The following NBEAL1 variants were observed in gnomAD, a reference collection of about 807,000 sequenced individuals.
The protein encoded by NBEAL1 is neurobeachin-like protein 1.
A neutral mutation model predicts 351.3 loss-of-function variants in NBEAL1; 273 were observed. The ratio of observed to expected loss-of-function variants is 0.78; its 90% confidence interval spans 0.70 to 0.86. The LOEUF is 0.86. NBEAL1 is among the 40% of genes least tolerant of loss of function. The pLI, the probability that NBEAL1 is intolerant of heterozygous loss-of-function variation, is 0.00. For synonymous variants in NBEAL1, 1,050 were observed against 1,086.4 expected, an observed-to-expected ratio of 0.97 and a Z score of 0.66; for missense variants, 2,961 against 3,201.3, an observed-to-expected ratio of 0.92 and a Z score of 1.81.
chr2:203,178,518 C>T (rs2064596591), intron 42 of NBEAL1, among the ~76,000 whole-genome samples: 1 of 152,070 alleles, frequency 6.6e-6, no homozygotes, highest in Non-Finnish European at 1.5e-5. Context: ...TGTCCATCTA[C>T]TGATAAATGA....
rs1470404689 is a variant in NBEAL1 at position 203,113,204 on chromosome 2, G to A, written c.2392G>A (p.Gly798Arg). ...ATTGATTACCAAATTGATATCAGCTGGAACCCAAGACAGTGAATGGGGGTG... is the reference window on the plus strand; with the variant it reads ...ATTGATTACCAAATTGATATCAGCTAGAACCCAAGACAGTGAATGGGGGTG... The part of the protein sequence containing the change: ...SKLITKLISA[G>R]TQDSEWGCPT... The change falls in exon 17 of 56, where the codon GGA becomes AGA. Residue 798 changes from glycine to arginine, a missense_variant. Gly to Arg is a moderately radical substitution (Grantham distance 125). Coordinates refer to ENST00000683969, the MANE Select transcript of NBEAL1 (RefSeq NM_001378026.1). 2 of 1,549,314 alleles carry A rather than the reference G, an allele frequency of 1.3e-6. No individual in the cohort carries two copies. The highest frequency in any genetic ancestry group is 8.7e-7 in the Non-Finnish European group (1 of 1,145,604).
chr2:203,131,644 A>C (rs1368001901), intron 25 of NBEAL1, among the ~76,000 whole-genome samples: 1 of 152,186 alleles, frequency 6.6e-6, no homozygotes, highest in Non-Finnish European at 1.5e-5. Context: ...CAAGGTCATC[A>C]CCAAGGTCTG....
chr2:203,188,368 G>A (rs2064972537), intron 44 of NBEAL1, 104 bp from the exon 45 acceptor site: 2 of 556,284 alleles, frequency 3.6e-6, no homozygotes, highest in South Asian at 9.5e-5. Flanking sequence ...AGAAAGATTT[G>A]TGTGTGGAAA....
chr2:203,034,905 T>C (rs954935331), intron 2 of NBEAL1, among the ~76,000 whole-genome samples: 6 of 149,336 alleles, frequency 4.0e-5, no homozygotes, highest in African/African-American at 1.5e-4. Context: ...TATAACTGAC[T>C]TAAATGAACT....
chr2:203,212,762 T>A (rs1021350907), intron 54 of NBEAL1, among the ~76,000 whole-genome samples: 1 of 152,048 alleles, frequency 6.6e-6, no homozygotes, highest in African/African-American at 2.4e-5. Flanking sequence ...AGAGGAGTCT[T>A]GATGAAGGAT....
chr2:203,021,367 G>A (rs1349730553), intron 2 of NBEAL1, among the ~76,000 whole-genome samples: 1 of 151,744 alleles, frequency 6.6e-6, no homozygotes, highest in Non-Finnish European at 1.5e-5. Context: ...GCTGAGGCAG[G>A]TGGATCACTT....
chr2:203,160,690 A>G (rs1000398109), intron 36 of NBEAL1, among the ~76,000 whole-genome samples: 1 of 151,986 alleles, frequency 6.6e-6, no homozygotes, highest in Non-Finnish European at 1.5e-5. Flanking sequence ...TCCCTCTGTT[A>G]TGGTTGTTAC....
chr2:203,180,828 A>G (rs527829915), intron 43 of NBEAL1: 228 of 186,566 alleles, frequency 1.2e-3, no homozygotes, highest in African/African-American at 5.3e-3. Flanking sequence ...GAGTTAGATA[A>G]GGTGAGGATT....
intron 38 of NBEAL1, among the ~76,000 whole-genome samples, chr2:203,168,839 A>G (rs1396724452): frequency 3.5e-5 from 5 of 141,220 alleles, no homozygotes; most frequent in Admixed American, 7.8e-5. Context: ...GGTTACAGTG[A>G]GCCGAGATCA....
intron 10 of NBEAL1, among the ~76,000 whole-genome samples, chr2:203,086,718 A>G (rs1171264931): frequency 6.6e-6 from 1 of 152,130 alleles, no homozygotes; most frequent in Non-Finnish European, 1.5e-5. Flanking sequence ...TATTTTTAGT[A>G]GAGACAGGGT....
At chr2:203,127,738 A>G (rs1241386131) in intron 23 of NBEAL1, 43 bp from the exon 24 acceptor site, 1 of 1,343,976 alleles carries the variant, frequency 7.4e-7, no homozygotes, top group East Asian at 2.6e-5. Context: ...AAGGAAATGT[A>G]AAAATTAAAA....
At chr2:203,138,586 G>A in intron 30 of NBEAL1, 34 bp from the exon 31 acceptor site, 3 of 1,555,500 alleles carry the variant, frequency 1.9e-6, no homozygotes, top group Non-Finnish European at 2.6e-6. Context: ...AAAACTGAAT[G>A]TTTTTATTTC....
At chr2:203,107,311 T>C (rs1161376248) in intron 12 of NBEAL1, 109 bp from the exon 13 acceptor site, 1 of 528,362 alleles carries the variant, frequency 1.9e-6, no homozygotes. Flanking sequence ...TTTTTCTTTA[T>C]TTAATATTAA....
chr2:203,191,244 C>T, intron 46 of NBEAL1: 2 of 1,456,914 alleles, frequency 1.4e-6, no homozygotes, highest in Non-Finnish European at 1.9e-6. Flanking sequence ...TCGATGACAT[C>T]AACAGTGGTG....
intron 12 of NBEAL1, among the ~76,000 whole-genome samples, chr2:203,102,207 A>G (rs1039656221): frequency 2.4e-4 from 37 of 152,208 alleles, no homozygotes; most frequent in Non-Finnish European, 7.3e-5. Context: ...AGGAGCTTTT[A>G]GGCAGAGACT....
intron 18 of NBEAL1, among the ~76,000 whole-genome samples, chr2:203,120,400 G>A (rs1399264624): frequency 1.3e-5 from 2 of 152,034 alleles, no homozygotes; most frequent in African/African-American, 4.8e-5. Context: ...AATAATGTAC[G>A]GAATAATGTA....
intron 7 of NBEAL1, among the ~76,000 whole-genome samples, chr2:203,072,867 C>T (rs562085779): frequency 6.6e-6 from 1 of 152,274 alleles, no homozygotes; most frequent in East Asian, 1.9e-4. Flanking sequence ...TTCTTTGTAA[C>T]AAAATCTGTC....
In NBEAL1 at chr2:203,224,380, A is replaced by C. The variant is rs1465658467; in HGVS notation, c.*7026A>C. 1.3e-5 allele frequency among the ~76,000 whole-genome samples: 2 copies of C among 152,120 alleles called. No individual in the cohort carries two copies. Among genetic ancestry groups the C allele is most frequent in the East Asian group, 3.8e-4 (2 of 5,200 alleles). ...TGTTTGCTTTTATAGACTTGGAGCA[A>C]AAAATATAGCAAAAAGTAATCATAT... is the stretch of plus-strand genomic sequence containing the variant. On this transcript the variant is annotated 3_prime_UTR_variant, in exon 56 of 56. Coordinates refer to ENST00000683969, the MANE Select transcript of NBEAL1 (RefSeq NM_001378026.1).
chr2:203,109,063 A>C (rs1231510712), intron 14 of NBEAL1, among the ~76,000 whole-genome samples: 2 of 152,216 alleles, frequency 1.3e-5, no homozygotes, highest in African/African-American at 4.8e-5. Context: ...AAACACTATG[A>C]AAATGAATAA....
Sources: gnomAD v4.1 joint callset for allele counts (sites outside exome capture counted in the v4.1 genomes callset) on GRCh38, gnomAD v4.1.1 for gene constraint, MANE v1.5 for transcripts, NCBI Gene and HGNC (gene_info 2026-07-23, HGNC 2026-07-21) for gene names.